The following SPATC1 variants were observed in gnomAD, a reference collection of about 807,000 sequenced individuals.
SPATC1 encodes the protein speriolin.
A neutral mutation model predicts 36.5 loss-of-function variants in SPATC1; 35 were observed. The ratio of observed to expected loss-of-function variants is 0.96; its 90% CI spans 0.73 to 1.27. The LOEUF is 1.27. Ranked by LOEUF, SPATC1 falls within the 50% of genes most tolerant of loss-of-function variation. The probability of loss-of-function intolerance (pLI) is 0.00; values close to 1 mark genes in which losing one functional copy is unlikely to be tolerated. For missense variants in SPATC1, 779 were observed against 796.0 expected, an observed-to-expected ratio of 0.98 and a Z score of 0.26; for synonymous variants, 361 against 353.6, an observed-to-expected ratio of 1.02 and a Z score of -0.24.
chr8:144,041,319 G>A lies in SPATC1; in HGVS notation c.1394G>A (p.Arg465His), dbSNP rs782182553. Residue 465 changes from arginine to histidine, a missense_variant, in exon 4 of 5, where the codon CGC becomes CAC. Physicochemically the swap from Arg to His is conservative, Grantham distance 29 (BLOSUM62 0). Transcript: ENST00000377470. ...RRILSSIFPE[R>H]VRLYGFTVSN... ...ATCCTGTCCAGCATCTTCCCAGAGC[G>A]CGTACGGCTCTACGGCTTCACTGTC... 13 of 1,612,800 alleles carry A rather than the reference G, an allele frequency of 8.1e-6. No individual in the cohort carries two copies. Among genetic ancestry groups the A allele is most frequent in the African/African-American group, 2.7e-5 (2 of 74,942 alleles).
chr8:144,020,719 G>A (rs1291951934), intron 1 of SPATC1, among the ~76,000 whole-genome samples: 5 of 14,998 alleles, frequency 3.3e-4, no homozygotes, highest in Non-Finnish European at 6.6e-4. Flanking sequence ...TCCCTCAGGA[G>A]CCTCTTCCCT....
In SPATC1 at chr8:144,045,691, G is replaced by A. The variant is rs139855993; in HGVS notation, c.1447-936G>A. ...GGCTCTGTGGGCCTGTGCAGAGAGCGGGCAGGGCCAAGCCTGGAGGCAGGG... is the reference window on the plus strand; with the variant it reads ...GGCTCTGTGGGCCTGTGCAGAGAGCAGGCAGGGCCAAGCCTGGAGGCAGGG... On this transcript the variant is annotated intron_variant, in intron 4 of 4. Transcript: ENST00000377470. The surrounding 1 kb of genome is among the most constrained non-coding windows in gnomAD (Gnocchi z 5.2). Among the ~76,000 whole-genome samples, 2 of 152,224 alleles carry A rather than the reference G, an allele frequency of 1.3e-5. No homozygotes were observed. The highest frequency in any genetic ancestry group is 2.9e-5 in the Non-Finnish European group (2 of 68,036).
Position 144,046,281 on chromosome 8 carries a change from C to CG in SPATC1, c.1447-345dup, listed in dbSNP as rs1357811921. Among the ~76,000 whole-genome samples, 1 of 152,164 alleles carries CG rather than the reference C, an allele frequency of 6.6e-6. No individual in the cohort carries two copies. Among genetic ancestry groups the CG allele is most frequent in the East Asian group, 1.9e-4 (1 of 5,190 alleles). On this transcript the variant is annotated intron_variant, in intron 4 of 4. Transcript: ENST00000377470. This position sits in a 1 kb window ranked among gnomAD's most constrained non-coding sequence, Gnocchi z 6.6. ...CTGTGCACCTCCAGATGCCTAGCCA[C>CG]GCCCCCTGCCCTCAGTCCCTGGAGG... is the stretch of plus-strand genomic sequence containing the variant.
intron 1 of SPATC1, among the ~76,000 whole-genome samples, chr8:144,030,214 A>G (rs1026851136): frequency 6.6e-6 from 1 of 152,202 alleles, no homozygotes; most frequent in African/African-American, 2.4e-5. Context: ...TTTAGGCAGC[A>G]TATAATAGGA....
rs563850017 is a variant in SPATC1 at position 144,045,026 on chromosome 8, G to A, written c.1447-1601G>A. 7.2e-5 allele frequency among the ~76,000 whole-genome samples: 11 copies of A among 152,332 alleles called. No individual in the cohort carries two copies. Among genetic ancestry groups the A allele is most frequent in the African/African-American group, 1.2e-4 (5 of 41,592 alleles). Reference sequence around the variant, plus strand: ...CATCCCCCAAGGTGGGGGCCCCTGCGTGCCCTGGTGCTCAGTGCTCACTGG... The same window carrying A: ...CATCCCCCAAGGTGGGGGCCCCTGCATGCCCTGGTGCTCAGTGCTCACTGG... On this transcript the variant is annotated intron_variant, in intron 4 of 4. Transcript: ENST00000377470. The surrounding 1 kb of genome is among the most constrained non-coding windows in gnomAD (Gnocchi z 5.2).
chr8:144,038,864 G>A (rs1417901996), intron 1 of SPATC1, among the ~76,000 whole-genome samples: 3 of 152,140 alleles, frequency 2.0e-5, no homozygotes, highest in Non-Finnish European at 4.4e-5. Context: ...TGAAGGCAAC[G>A]GCAGGCTTGA....
In SPATC1 at chr8:144,040,067, C is replaced by T. The variant is rs782011730; in HGVS notation, c.370C>T (p.Leu124=). The T allele has an allele frequency of 8.3e-5, 134 of 1,613,032 alleles. 1 individual carries two copies. In the Admixed American group the frequency reaches 2.2e-3, roughly 27 times the overall value. ...MSPLTGTLST[L]LSGPAPTSQS... ...CCCCCTGACAGGCACCCTCAGCACG[C>T]TGCTGTCTGGCCCAGCACCCACGTC... Residue 124 remains leucine, a synonymous_variant, in exon 2 of 5, where the codon CTG becomes TTG. Coordinates refer to ENST00000377470, the MANE Select transcript of SPATC1 (RefSeq NM_198572.3).
rs187557304 is a variant in SPATC1, at chr8:144,012,337, T to A, written c.-179T>A. The A allele has an allele frequency of 1.6e-6, 1 of 610,298 alleles. No homozygotes were observed. Among genetic ancestry groups the A allele is most frequent in the Non-Finnish European group, 2.9e-6 (1 of 342,974 alleles). The allele number at this position is 610,298 out of a possible 1,614,324, so 37.8% of individuals were successfully genotyped here. A position where few individuals can be genotyped will look rare whatever the true frequency, so the allele number is the denominator to read the frequency against. On this transcript the variant is annotated 5_prime_UTR_variant, in exon 1 of 5. Coordinates refer to ENST00000377470, the MANE Select transcript of SPATC1 (RefSeq NM_198572.3). ...GCCTGGTGGCATGGAGAGCTGAGGG[T>A]GTTAGAGCAGAGAGGGCAAGGAAGA...
At position 144,016,389 on chromosome 8, in the gene SPATC1, G is replaced by A. The variant is rs1834394283; in HGVS notation, c.211+3663G>A. Among the ~76,000 whole-genome samples, 1 of 152,022 alleles carries A rather than the reference G, an allele frequency of 6.6e-6. No individual in the cohort carries two copies. The highest frequency in any genetic ancestry group is 1.9e-4 in the East Asian group (1 of 5,184). ...TGTGTGTGTGTGAATGTATGTGAGA[G>A]TGTATGTGGTATGTATGTGTTATGT... On this transcript the variant is annotated intron_variant, in intron 1 of 4. Coordinates refer to ENST00000377470, the MANE Select transcript of SPATC1 (RefSeq NM_198572.3). This position sits in a 1 kb window ranked among gnomAD's most constrained non-coding sequence, Gnocchi z 4.5.
At chr8:144,023,683 A>T in intron 1 of SPATC1, among the ~76,000 whole-genome samples, 4 of 202 alleles carry the variant, frequency 0.02, 2 homozygotes, top group East Asian at 0.17. Context: ...AACTCCCCTC[A>T]GGACCCCCCT....
chr8:144,029,186 A>T (rs1444457932), intron 1 of SPATC1, among the ~76,000 whole-genome samples: 2 of 141,094 alleles, frequency 1.4e-5, no homozygotes, highest in Admixed American at 7.4e-5. Context: ...CACATCCTAC[A>T]CATGTACCCC....
In SPATC1 at chr8:144,046,556, G is replaced by C; in HGVS notation, c.1447-71G>C. ...CATCTCACAGCCTCACCTGCCCCTC[G>C]GTCTTCCCCTTACCTGCCTGTGTGT... On this transcript the variant is annotated intron_variant, in intron 4 of 4. Coordinates refer to ENST00000377470, the MANE Select transcript of SPATC1 (RefSeq NM_198572.3). This position sits in a 1 kb window ranked among gnomAD's most constrained non-coding sequence, Gnocchi z 6.6. The C allele has an allele frequency of 1.4e-6, 2 of 1,428,292 alleles. No homozygotes were observed. The highest frequency in any genetic ancestry group is 1.9e-6 in the Non-Finnish European group (2 of 1,046,442). 88.5% of individuals were successfully genotyped at this position (1,428,292 alleles called of 1,614,324 possible).
chr8:144,026,987 C>CTTTTTTTT (rs1169014232), intron 1 of SPATC1, among the ~76,000 whole-genome samples: 48 of 114,300 alleles, frequency 4.2e-4, no homozygotes, highest in African/African-American at 1.0e-3. Context: ...TTTTTTTTTT[C>CTTTTTTTT]TTTTTTTTTT....
In SPATC1 at chr8:144,046,815, G is replaced by A. The variant is rs370007569; in HGVS notation, c.1635G>A (p.Glu545=). 1.4e-5 allele frequency: 22 copies of A among 1,605,144 alleles called. No individual in the cohort carries two copies. Among genetic ancestry groups the A allele is most frequent in the Non-Finnish European group, 1.8e-5 (21 of 1,179,924 alleles). ...LRERPELAAS[E]GGPYTVDFLQ... Reference sequence around the variant, plus strand: ...AGCGCCCGGAGCTGGCGGCGTCTGAGGGCGGCCCCTACACCGTGGACTTCC... The same window carrying A: ...AGCGCCCGGAGCTGGCGGCGTCTGAAGGCGGCCCCTACACCGTGGACTTCC... Residue 545 remains glutamate, a synonymous_variant, in exon 5 of 5, where the codon GAG becomes GAA. Coordinates refer to ENST00000377470, the MANE Select transcript of SPATC1 (RefSeq NM_198572.3). This position sits in a 1 kb window ranked among gnomAD's most constrained non-coding sequence, Gnocchi z 6.6.
At chr8:144,036,694 G>A (rs1834904861) in intron 1 of SPATC1, among the ~76,000 whole-genome samples, 1 of 152,086 alleles carries the variant, frequency 6.6e-6, no homozygotes, top group Admixed American at 6.5e-5. Flanking sequence ...GATTAGCTCT[G>A]AAGAGATAGA....
Position 144,012,512 on chromosome 8 carries a change from G to C in SPATC1, c.-4G>C. 6.4e-7 allele frequency: 1 copy of C among 1,551,586 alleles called. No individual in the cohort carries two copies. Among genetic ancestry groups the C allele is most frequent in the Admixed American group, 2.0e-5 (1 of 50,990 alleles). ...GGGCCGCACCCTTGCCACTGCCCCA[G>C]GGCATGTCTCTACTCACCAATTATG... On this transcript the variant is annotated 5_prime_UTR_variant, in exon 1 of 5. Coordinates refer to ENST00000377470, the MANE Select transcript of SPATC1 (RefSeq NM_198572.3).
rs1834295261 is a variant in SPATC1 at position 144,012,414 on chromosome 8, A to G, written c.-102A>G. 8 of 1,023,968 alleles carry G rather than the reference A, an allele frequency of 7.8e-6. No individual in the cohort carries two copies. In the Admixed American group the frequency reaches 1.4e-4, roughly 17 times the overall value. 63.4% of individuals were successfully genotyped at this position (1,023,968 alleles called of 1,614,324 possible). ...CCAGGGCCCACTGGGCCAGCCTTGC[A>G]GACTCTGCACCCTCCTTCAGCCCAG... On this transcript the variant is annotated 5_prime_UTR_variant, in exon 1 of 5. Transcript: ENST00000377470.
At chr8:144,012,894 G>A (rs992622975) in intron 1 of SPATC1, 168 bp downstream of exon 1, 2 of 755,742 alleles carry the variant, frequency 2.6e-6, no homozygotes, top group Non-Finnish European at 4.3e-6. Context: ...CTGTCCTGGA[G>A]GAGGCTGCAT....
intron 1 of SPATC1, among the ~76,000 whole-genome samples, chr8:144,034,999 A>T (rs1463855006): frequency 6.6e-6 from 1 of 152,214 alleles, no homozygotes; most frequent in Non-Finnish European, 1.5e-5. Flanking sequence ...TTGTGTTCTC[A>T]TATTTTCTTT....
Sources: allele counts gnomAD v4.1 joint callset (sites outside exome capture counted in the v4.1 genomes callset), GRCh38; gene constraint gnomAD v4.1.1; non-coding constraint Gnocchi (gnomAD v3.1); transcripts MANE v1.5; gene names NCBI Gene and HGNC (gene_info 2026-07-23, HGNC 2026-07-21).